The following SEC24B variants were observed in gnomAD, a reference collection of about 807,000 sequenced individuals.
SEC24B encodes the protein SEC24 homolog B, COPII component, also known as protein transport protein Sec24B.
In SEC24B, 45 loss-of-function variants were observed where a neutral mutation model predicts 142.8. The observed-to-expected ratio is 0.32, with a 90% CI of 0.25 to 0.40. SEC24B has a LOEUF of 0.40. Ranked by LOEUF, SEC24B falls within the 10% of genes least tolerant of loss-of-function variation. The pLI is 1.00. For synonymous variants in SEC24B, 574 were observed against 568.2 expected (o/e 1.01, Z -0.15); for missense variants, 1,409 against 1,526.8 (o/e 0.92, Z 1.29).
At chr4:109,499,618 G>C (rs992117101) in intron 6 of SEC24B, among the ~76,000 whole-genome samples, 3 of 152,182 alleles carry the variant, frequency 2.0e-5, no homozygotes, top group Non-Finnish European at 4.4e-5. Context: ...AGATTATAAT[G>C]GAGCTGAAAC....
At chr4:109,504,020 T>C (rs1876125) in intron 6 of SEC24B, among the ~76,000 whole-genome samples, 103,025 of 151,920 alleles carry the variant, frequency 0.68, 36,725 homozygotes, top group African/African-American at 0.93. Flanking sequence ...TTTTCTGATT[T>C]TTTACAGCTC....
At chr4:109,499,605 A>G (rs1399650608) in intron 6 of SEC24B, among the ~76,000 whole-genome samples, 1 of 152,248 alleles carries the variant, frequency 6.6e-6, no homozygotes, top group Admixed American at 6.5e-5. Context: ...TGGTGGTCCC[A>G]TAAGATTATA....
intron 1 of SEC24B, among the ~76,000 whole-genome samples, chr4:109,445,245 T>G (rs1401015433): frequency 2.9e-5 from 4 of 138,648 alleles, no homozygotes; most frequent in Admixed American, 1.4e-4. Flanking sequence ...TTTCTTTGTT[T>G]TTTTTTTTTT....
chr4:109,493,614 A>G (rs1192292631), intron 5 of SEC24B, among the ~76,000 whole-genome samples: 1 of 149,412 alleles, frequency 6.7e-6, no homozygotes, highest in African/African-American at 2.5e-5. Flanking sequence ...GGAGCAGGAC[A>G]CTATTCTAGA....
chr4:109,443,380 T>C (rs562900092), intron 1 of SEC24B, among the ~76,000 whole-genome samples: 2 of 152,298 alleles, frequency 1.3e-5, no homozygotes, highest in South Asian at 4.1e-4. Flanking sequence ...CCTTATTTTA[T>C]GCAATGCATA....
At chr4:109,491,264 C>A in intron 4 of SEC24B, 63 bp from the exon 5 acceptor site, 1 of 1,326,686 alleles carries the variant, frequency 7.5e-7, no homozygotes, top group South Asian at 1.3e-5. Context: ...TCAAAATTGC[C>A]AAAGGCTGCT....
chr4:109,526,200 A>AT (rs1724203965), intron 16 of SEC24B, 26 bp from the exon 17 acceptor site: 1 of 1,607,212 alleles, frequency 6.2e-7, no homozygotes, highest in Non-Finnish European at 8.5e-7. Context: ...TGTTAACTTG[A>AT]TTTTTTATGA....
At chr4:109,440,508 G>A (rs1728837711) in intron 1 of SEC24B, among the ~76,000 whole-genome samples, 1 of 152,222 alleles carries the variant, frequency 6.6e-6, no homozygotes, top group African/African-American at 2.4e-5. Context: ...ACTCAGAATT[G>A]TCCAGAAGGA....
intron 1 of SEC24B, among the ~76,000 whole-genome samples, chr4:109,438,988 A>G (rs1023732561): frequency 6.6e-6 from 1 of 152,194 alleles, no homozygotes; most frequent in African/African-American, 2.4e-5. Context: ...CTGGTAATGA[A>G]CTTGTTGGGA....
At chr4:109,496,655 G>A (rs751903691) in intron 6 of SEC24B, among the ~76,000 whole-genome samples, 1 of 151,794 alleles carries the variant, frequency 6.6e-6, no homozygotes, top group Non-Finnish European at 1.5e-5. Context: ...GCAGGGGTGG[G>A]GCAAAAGAAA....
At position 109,467,893 on chromosome 4, in the gene SEC24B, AAAT is replaced by A. The variant is rs560133352; in HGVS notation, c.877+4255_877+4257del. 1.8e-3 allele frequency among the ~76,000 whole-genome samples: 272 copies of A among 152,354 alleles called. 1 individual carries two copies. Among genetic ancestry groups the A allele is most frequent in the African/African-American group, 6.0e-3 (248 of 41,594 alleles). On this transcript the variant is annotated intron_variant, in intron 2 of 23. Transcript: ENST00000265175. ...AGCATTTAAAAAGCTACTTGAGTAAAAATAATAAGTGTTTATATAATTCTTCAC... is the reference window on the plus strand; with the variant it reads ...AGCATTTAAAAAGCTACTTGAGTAAAAATAAGTGTTTATATAATTCTTCAC...
chr4:109,480,020 A>G (rs939468759), intron 3 of SEC24B, among the ~76,000 whole-genome samples: 14 of 152,002 alleles, frequency 9.2e-5, no homozygotes, highest in African/African-American at 3.1e-4. Context: ...ATTTACATCG[A>G]TTTTTATTTT....
chr4:109,455,481 T>A (rs1312566023), intron 1 of SEC24B, among the ~76,000 whole-genome samples: 1 of 152,164 alleles, frequency 6.6e-6, no homozygotes, highest in African/African-American at 2.4e-5. Context: ...CCTCAGGTAA[T>A]CCGCCCACCT....
At chr4:109,453,840 A>G (rs564860600) in intron 1 of SEC24B, among the ~76,000 whole-genome samples, 1 of 152,300 alleles carries the variant, frequency 6.6e-6, no homozygotes, top group South Asian at 2.1e-4. Context: ...CGGCTTCAGC[A>G]GGTCCTGCCG....
intron 2 of SEC24B, among the ~76,000 whole-genome samples, chr4:109,469,042 AGCGCTTTGGGAG>A (rs1732253363): frequency 6.6e-6 from 1 of 152,182 alleles, no homozygotes. Flanking sequence ...CTGTAATTGC[AGCGCTTTGGGAG>A]GCTGAGGCAG....
At chr4:109,498,560 T>C (rs1055209331) in intron 6 of SEC24B, among the ~76,000 whole-genome samples, 2 of 152,138 alleles carry the variant, frequency 1.3e-5, no homozygotes, top group Admixed American at 1.3e-4. Context: ...GAGACAGGGT[T>C]TCACTGTGTT....
chr4:109,475,494 T>C (rs1733016055), intron 3 of SEC24B, among the ~76,000 whole-genome samples: 1 of 152,352 alleles, frequency 6.6e-6, no homozygotes, highest in South Asian at 2.1e-4. Context: ...AGCATTTTTT[T>C]TCTGTTTTTA....
intron 22 of SEC24B, among the ~76,000 whole-genome samples, chr4:109,534,203 A>C (rs1579010470): frequency 6.6e-6 from 1 of 152,080 alleles, no homozygotes; most frequent in South Asian, 2.1e-4. Flanking sequence ...TCCTTATGTC[A>C]AAATAACTTT....
intron 4 of SEC24B, among the ~76,000 whole-genome samples, chr4:109,486,610 T>C (rs1011164719): frequency 6.6e-6 from 1 of 152,210 alleles, no homozygotes; most frequent in Non-Finnish European, 1.5e-5. Flanking sequence ...AAGTACTGCA[T>C]TTCATACTTG....
Sources: gnomAD v4.1 joint callset for allele counts (sites outside exome capture counted in the v4.1 genomes callset) on GRCh38, gnomAD v4.1.1 for gene constraint, MANE v1.5 for transcripts, NCBI Gene and HGNC (gene_info 2026-07-23, HGNC 2026-07-21) for gene names.